The following ZHX3 variants were observed in gnomAD, a reference collection of about 807,000 sequenced individuals.
ZHX3 encodes zinc fingers and homeoboxes protein 3.
Under a neutral mutation model 64.5 loss-of-function variants are expected in ZHX3, and 20 were observed. That is an observed-to-expected ratio of 0.31 (90% CI 0.22 to 0.45). The LOEUF is 0.45. Among genes scored for constraint, ZHX3 ranks in the 20% least tolerant of loss-of-function variants. ZHX3 has a pLI of 1.00. For synonymous variants in ZHX3, 423 were observed against 461.6 expected, an observed-to-expected ratio of 0.92 and a Z score of 1.07; for missense variants, 1,041 against 1,195.8, an observed-to-expected ratio of 0.87 and a Z score of 1.91.
intron 2 of ZHX3, among the ~76,000 whole-genome samples, chr20:41,234,039 T>C (rs1177855513): frequency 6.6e-6 from 1 of 152,186 alleles, no homozygotes; most frequent in Non-Finnish European, 1.5e-5. Flanking sequence ...ACTGATCTGA[T>C]GGAAGCGAGA....
chr20:41,218,190 TCCCAGCACTTTGGGAGGCC>T (rs1167141167), intron 2 of ZHX3, among the ~76,000 whole-genome samples: 21 of 151,242 alleles, frequency 1.4e-4, no homozygotes, highest in African/African-American at 5.1e-4. Flanking sequence ...ATACCTGCAA[TCCCAGCACTTTGGGAGGCC>T]AAGGAGACAG....
At chr20:41,304,657 A>T (rs1395075686) in intron 1 of ZHX3, among the ~76,000 whole-genome samples, 1 of 152,200 alleles carries the variant, frequency 6.6e-6, no homozygotes, top group Non-Finnish European at 1.5e-5. Flanking sequence ...GGCTCACGCA[A>T]TTGTAGGGCT....
intron 2 of ZHX3, chr20:41,239,526 G>A (rs889609581): frequency 1.3e-5 from 2 of 152,408 alleles, no homozygotes; most frequent in African/African-American, 2.4e-5. Flanking sequence ...CAGGTCACAT[G>A]CCCAGCCATG....
Position 41,201,938 on chromosome 20 carries a change from C to T in ZHX3, c.2860+119G>A. ...CTCTGAAGCAGCCAGGCGGTTAATG[C>T]TGCTGCCAGGCAGCCTTAGAGACAG... On this transcript the variant is annotated intron_variant, in intron 3 of 3. Coordinates refer to ENST00000683867, the MANE Select transcript of ZHX3 (RefSeq NM_001384317.1). This position sits in a 1 kb window ranked among gnomAD's most constrained non-coding sequence, Gnocchi z 5.0. The T allele has an allele frequency of 7.7e-7, 1 of 1,298,750 alleles. No individual in the cohort carries two copies. Among genetic ancestry groups the T allele is most frequent in the Non-Finnish European group, 1.0e-6 (1 of 974,532 alleles). 80.5% of individuals were successfully genotyped at this position (1,298,750 alleles called of 1,614,324 possible).
intron 1 of ZHX3, among the ~76,000 whole-genome samples, chr20:41,315,686 A>G (rs1389199359): frequency 6.6e-6 from 1 of 152,136 alleles, no homozygotes; most frequent in Non-Finnish European, 1.5e-5. Flanking sequence ...TCCTACTCAT[A>G]AAACAAAGAT....
rs1448789631 is a variant in ZHX3, at chr20:41,201,947, G to A, written c.2860+110C>T. ...AGCCAGGCGGTTAATGCTGCTGCCA[G>A]GCAGCCTTAGAGACAGCAGATGCCC... On this transcript the variant is annotated intron_variant, in intron 3 of 3. Coordinates refer to ENST00000683867, the MANE Select transcript of ZHX3 (RefSeq NM_001384317.1). This position sits in a 1 kb window ranked among gnomAD's most constrained non-coding sequence, Gnocchi z 5.0. 2 of 1,355,942 alleles carry A rather than the reference G, an allele frequency of 1.5e-6. No individual in the cohort carries two copies. The highest frequency in any genetic ancestry group is 2.0e-6 in the Non-Finnish European group (2 of 1,025,378). 84.0% of individuals were successfully genotyped at this position (1,355,942 alleles called of 1,614,324 possible). A position where few individuals can be genotyped will look rare whatever the true frequency, so the allele number is the denominator to read the frequency against.
intron 1 of ZHX3, among the ~76,000 whole-genome samples, chr20:41,292,147 T>C (rs983289123): frequency 1.3e-5 from 2 of 152,192 alleles, no homozygotes; most frequent in Admixed American, 6.5e-5. Context: ...AGCTGAATTG[T>C]CAGTGTCAAA....
rs746166282 is a variant in ZHX3 at position 41,232,668 on chromosome 20, C to T, written c.-150-27602G>A. ...GCAGTGGCGCAATCTCGGCTCATTGCAAGCTCCGCCTCCCGGGTTCACGCC... is the reference window on the plus strand; with the variant it reads ...GCAGTGGCGCAATCTCGGCTCATTGTAAGCTCCGCCTCCCGGGTTCACGCC... On this transcript the variant is annotated intron_variant, in intron 2 of 3. Coordinates refer to ENST00000683867, the MANE Select transcript of ZHX3 (RefSeq NM_001384317.1). This position sits in a 1 kb window ranked among gnomAD's most constrained non-coding sequence, Gnocchi z 5.0. Among the ~76,000 whole-genome samples, 2 of 152,106 alleles carry T rather than the reference C, an allele frequency of 1.3e-5. No homozygotes were observed. The highest frequency in any genetic ancestry group is 4.8e-5 in the African/African-American group (2 of 41,416).
intron 2 of ZHX3, among the ~76,000 whole-genome samples, chr20:41,249,715 A>G (rs1198156924): frequency 6.6e-6 from 1 of 152,220 alleles, no homozygotes; most frequent in African/African-American, 2.4e-5. Context: ...TTCAGACAAG[A>G]TGGTCTAAAC....
intron 2 of ZHX3, among the ~76,000 whole-genome samples, chr20:41,252,868 T>C (rs984946657): frequency 3.3e-5 from 5 of 152,212 alleles, no homozygotes; most frequent in Admixed American, 2.6e-4. Context: ...CTGAAAACTC[T>C]GGCCAGGAGT....
At position 41,181,376 on chromosome 20, in the gene ZHX3, G is replaced by A. The variant is rs1600688842; in HGVS notation, c.*3815C>T. 3.3e-5 allele frequency: 5 copies of A among 152,244 alleles called. 1 individual carries two copies. In the South Asian group the frequency reaches 1.0e-3, roughly 32 times the overall value. The allele number at this position is 152,244 out of a possible 1,614,324, so 9.4% of individuals were successfully genotyped here. A position where few individuals can be genotyped will look rare whatever the true frequency, so the allele number is the denominator to read the frequency against. On this transcript the variant is annotated 3_prime_UTR_variant, in exon 4 of 4. Transcript: ENST00000683867. The stretch of plus-strand genomic sequence containing the variant: ...TGGTGAAATCTCCCAGGTAAACTCT[G>A]AGCAAGAAAAAAGAGAAGATGACTT...
chr20:41,316,282 T>A (rs1051746476), intron 1 of ZHX3, among the ~76,000 whole-genome samples: 5 of 152,252 alleles, frequency 3.3e-5, no homozygotes, highest in African/African-American at 1.2e-4. Context: ...TCTTTGATAC[T>A]ATTTTGCGCT....
chr20:41,297,056 T>C (rs1172819954), intron 1 of ZHX3, among the ~76,000 whole-genome samples: 1 of 152,206 alleles, frequency 6.6e-6, no homozygotes, highest in Non-Finnish European at 1.5e-5. Context: ...TCTCTTGGAA[T>C]TATCCTAAGT....
intron 1 of ZHX3, among the ~76,000 whole-genome samples, chr20:41,309,128 T>TA (rs2045059314): frequency 1.3e-5 from 2 of 152,360 alleles, no homozygotes; most frequent in African/African-American, 4.8e-5. Context: ...AGAGCATTTC[T>TA]GTTTCTGTCA....
intron 1 of ZHX3, among the ~76,000 whole-genome samples, chr20:41,314,337 C>A (rs926463273): frequency 6.6e-6 from 1 of 152,098 alleles, no homozygotes; most frequent in Non-Finnish European, 1.5e-5. Flanking sequence ...ATTAAGTATA[C>A]CTGCTAGGCC....
At chr20:41,290,769 A>G (rs1269641885) in intron 1 of ZHX3, among the ~76,000 whole-genome samples, 1 of 152,196 alleles carries the variant, frequency 6.6e-6, no homozygotes, top group East Asian at 1.9e-4. Context: ...TGGCAGAGCC[A>G]GTTTCTTAAA....
chr20:41,300,851 G>C (rs927858166), intron 1 of ZHX3, among the ~76,000 whole-genome samples: 35 of 152,178 alleles, frequency 2.3e-4, no homozygotes, highest in African/African-American at 8.2e-4. Context: ...GCCACAGAAT[G>C]ATGGGTCAGA....
chr20:41,257,276 CT>C (rs2042307269), intron 2 of ZHX3, among the ~76,000 whole-genome samples: 1 of 152,140 alleles, frequency 6.6e-6, no homozygotes, highest in Non-Finnish European at 1.5e-5. Flanking sequence ...TTTGGAATTT[CT>C]TTTTTCCAGT....
Position 41,218,012 on chromosome 20 carries a change from G to A in ZHX3, c.-150-12946C>T, listed in dbSNP as rs544515630. ...TTTGTTTTGTTCTTTAAAAAGGCTT[G>A]ACAATGTAGTCCTAGCTACTTGGGA... On this transcript the variant is annotated intron_variant, in intron 2 of 3. Transcript: ENST00000683867. Among the ~76,000 whole-genome samples, 3 of 152,280 alleles carry A rather than the reference G, an allele frequency of 2.0e-5. No individual in the cohort carries two copies. The South Asian group carries it at 6.2e-4, about 32-fold the overall frequency.
Sources: gnomAD v4.1 joint callset for allele counts (sites outside exome capture counted in the v4.1 genomes callset) on GRCh38, gnomAD v4.1.1 for gene constraint, Gnocchi (gnomAD v3.1) non-coding constraint, MANE v1.5 for transcripts, NCBI Gene and HGNC (gene_info 2026-07-23, HGNC 2026-07-21) for gene names.